Variants in TYW1 observed in about 807,000 individuals in gnomAD.
The protein encoded by TYW1 is tRNA-yW synthesizing protein 1 homolog.
TYW1 carries 46 observed loss-of-function variants against 96.2 expected under a neutral mutation model. The ratio of observed to expected loss-of-function variants is 0.48; its 90% CI spans 0.38 to 0.61. The LOEUF (loss-of-function observed/expected upper bound fraction) is 0.61, where lower values mean the gene tolerates loss of function less well. Among genes scored for constraint, TYW1 ranks in the 20% least tolerant of loss-of-function variants. The pLI is 0.00. For missense variants in TYW1, 684 were observed against 909.6 expected (o/e 0.75, Z 3.19); for synonymous variants, 274 against 323.0 (o/e 0.85, Z 1.63).
intron 7 of TYW1, among the ~76,000 whole-genome samples, chr7:67,026,422 C>CT (rs1794457696): frequency 6.6e-6 from 1 of 152,160 alleles, no homozygotes. Flanking sequence ...CGTTGGAAAA[C>CT]TTTAAAACAT....
intron 7 of TYW1, among the ~76,000 whole-genome samples, chr7:67,034,144 C>T (rs1794757898): frequency 6.7e-6 from 1 of 149,514 alleles, no homozygotes; most frequent in South Asian, 2.1e-4. Flanking sequence ...TGCTCTGTTG[C>T]CCAGGCCGGA....
chr7:67,152,306 T>C (rs1444145608), intron 13 of TYW1, among the ~76,000 whole-genome samples: 1 of 152,228 alleles, frequency 6.6e-6, no homozygotes, highest in Admixed American at 6.5e-5. Flanking sequence ...GCTAAGACTT[T>C]ACTCATGAAT....
At chr7:67,037,072 C>T (rs147816394) in intron 7 of TYW1, among the ~76,000 whole-genome samples, 78 of 152,296 alleles carry the variant, frequency 5.1e-4, no homozygotes, top group African/African-American at 1.9e-3. Flanking sequence ...TAATTGATTG[C>T]CTCTGTGGTA....
At chr7:67,108,560 C>G (rs1797307912) in intron 12 of TYW1, among the ~76,000 whole-genome samples, 1 of 151,668 alleles carries the variant, frequency 6.6e-6, no homozygotes, top group Non-Finnish European at 1.5e-5. Flanking sequence ...TCCCACCTCA[C>G]CATCCCCAGT....
chr7:67,002,012 C>T (rs1793410190), intron 3 of TYW1, among the ~76,000 whole-genome samples: 3 of 147,656 alleles, frequency 2.0e-5, no homozygotes, highest in African/African-American at 7.5e-5. Context: ...CCAGCCTGGG[C>T]AGCAGAGTGA....
chr7:67,187,839 T>TA (rs1800079121), intron 14 of TYW1, among the ~76,000 whole-genome samples: 1 of 152,202 alleles, frequency 6.6e-6, no homozygotes, highest in Non-Finnish European at 1.5e-5. Context: ...TTTTTGTAAT[T>TA]ATGTATTGTG....
At chr7:67,196,456 T>TA (rs961928680) in intron 15 of TYW1, among the ~76,000 whole-genome samples, 1 of 152,230 alleles carries the variant, frequency 6.6e-6, no homozygotes, top group Admixed American at 6.5e-5. Flanking sequence ...AGTGCCTTGT[T>TA]ACCTGTGATT....
chr7:67,205,836 T>G (rs1166198313), intron 15 of TYW1, among the ~76,000 whole-genome samples: 1 of 152,154 alleles, frequency 6.6e-6, no homozygotes, highest in Non-Finnish European at 1.5e-5. Flanking sequence ...CCATTGGTGT[T>G]TCTGGCTTGC....
chr7:67,165,381 C>G (rs1399266246), intron 13 of TYW1, among the ~76,000 whole-genome samples: 1 of 151,820 alleles, frequency 6.6e-6, no homozygotes, highest in Admixed American at 6.6e-5. Context: ...TAATTAGAAG[C>G]AACAGAACTC....
chr7:67,111,142 A>G (rs556385517), intron 12 of TYW1, among the ~76,000 whole-genome samples: 61 of 152,352 alleles, frequency 4.0e-4, no homozygotes, highest in Non-Finnish European at 7.2e-4. Flanking sequence ...TGGACTTACT[A>G]GACAAAGATT....
intron 15 of TYW1, among the ~76,000 whole-genome samples, chr7:67,203,239 A>G (rs6949429): frequency 0.25 from 38,227 of 152,166 alleles, 4,991 homozygotes; most frequent in African/African-American, 0.3. Flanking sequence ...TCTGACGATA[A>G]TAGAGCCACT....
intron 7 of TYW1, among the ~76,000 whole-genome samples, chr7:67,038,481 C>T (rs1794906489): frequency 6.6e-6 from 1 of 151,888 alleles, no homozygotes; most frequent in African/African-American, 2.4e-5. Flanking sequence ...TGGCTGGTAC[C>T]TGTGGTCCCA....
chr7:67,124,886 G>A (rs2116019832), intron 13 of TYW1, among the ~76,000 whole-genome samples: 1 of 152,184 alleles, frequency 6.6e-6, no homozygotes, highest in South Asian at 2.1e-4. Flanking sequence ...CCAGGCTGGA[G>A]TGCAATGGCG....
At position 67,180,406 on chromosome 7, in the gene TYW1, T is replaced by TTATA. The variant is rs1447043091; in HGVS notation, c.1699-2705_1699-2702dup. On this transcript the variant is annotated intron_variant, in intron 13 of 15. Coordinates refer to ENST00000359626, the MANE Select transcript of TYW1 (RefSeq NM_018264.4). ...TTGGTTTATATATATATATATATAT[T>TTATA]TATATATATATATATATAATTTTTT... is the stretch of plus-strand genomic sequence containing the variant. Among the ~76,000 whole-genome samples, 7 of 62,730 alleles carry TTATA rather than the reference T, an allele frequency of 1.1e-4. 1 individual carries two copies. The highest frequency in any genetic ancestry group is 3.4e-4 in the East Asian group (1 of 2,940). The allele number at this position is 62,730 out of a possible 152,430, so 41.2% of individuals were successfully genotyped here. A position where few individuals can be genotyped will look rare whatever the true frequency, so the allele number is the denominator to read the frequency against.
intron 13 of TYW1, among the ~76,000 whole-genome samples, chr7:67,158,662 C>T (rs1042877143): frequency 3.9e-5 from 6 of 151,920 alleles, no homozygotes; most frequent in African/African-American, 7.2e-5. Flanking sequence ...CTCCGCCTCC[C>T]GGGTTCATAC....
At chr7:67,061,840 A>G (rs1795703654) in intron 9 of TYW1, among the ~76,000 whole-genome samples, 1 of 152,250 alleles carries the variant, frequency 6.6e-6, no homozygotes, top group South Asian at 2.1e-4. Flanking sequence ...TAGATAGCTT[A>G]TGCGAGAAAA....
At chr7:67,133,864 C>T (rs969598390) in intron 13 of TYW1, among the ~76,000 whole-genome samples, 1 of 151,484 alleles carries the variant, frequency 6.6e-6, no homozygotes, top group African/African-American at 2.4e-5. Flanking sequence ...CTGTAATGGG[C>T]TTCTCTATGT....
intron 14 of TYW1, among the ~76,000 whole-genome samples, chr7:67,190,744 G>A (rs986075337): frequency 3.9e-5 from 6 of 152,250 alleles, no homozygotes; most frequent in African/African-American, 1.4e-4. Flanking sequence ...GCATTTTTAG[G>A]ATAAAGGAAT....
At chr7:67,139,806 T>C (rs1390749465) in intron 13 of TYW1, among the ~76,000 whole-genome samples, 1 of 149,998 alleles carries the variant, frequency 6.7e-6, no homozygotes, top group Non-Finnish European at 1.5e-5. Flanking sequence ...CAAACTGTAA[T>C]GATCACCATA....
Sources: allele counts gnomAD v4.1 joint callset (sites outside exome capture counted in the v4.1 genomes callset), GRCh38; gene constraint gnomAD v4.1.1; transcripts MANE v1.5; gene names NCBI Gene and HGNC (gene_info 2026-07-23, HGNC 2026-07-21).